The following GNG2 variants were observed in gnomAD, a reference collection of about 807,000 sequenced individuals.
GNG2 encodes guanine nucleotide-binding protein G(I)/G(S)/G(O) subunit gamma-2.
A neutral mutation model predicts 5.5 loss-of-function variants in GNG2; 5 were observed. The ratio of observed to expected loss-of-function variants is 0.91; its 90% CI spans 0.48 to 1.92. The LOEUF is 1.92. GNG2 is among the 30% of genes most tolerant of loss of function. GNG2 has a pLI of 0.01. For missense variants in GNG2, 55 were observed against 88.4 expected (o/e 0.62, Z 1.52); for synonymous variants, 28 against 32.0 (o/e 0.88, Z 0.42).
chr14:51,834,581 G>A (rs530417860), intron 2 of GNG2, among the ~76,000 whole-genome samples: 2 of 152,220 alleles, frequency 1.3e-5, no homozygotes, highest in East Asian at 1.9e-4. Flanking sequence ...CCTGTGTTGC[G>A]TGGATACCAA....
At chr14:51,863,733 C>G (rs956399504) in intron 1 of GNG2, among the ~76,000 whole-genome samples, 2 of 152,200 alleles carry the variant, frequency 1.3e-5, no homozygotes, top group Admixed American at 6.5e-5. Context: ...ACTTCTGTCT[C>G]TATGAATGTG....
chr14:51,947,115 A>G (rs1465185831), intron 2 of GNG2, among the ~76,000 whole-genome samples: 2 of 152,052 alleles, frequency 1.3e-5, no homozygotes, highest in Admixed American at 6.5e-5. Flanking sequence ...CCCCTCCTGC[A>G]TTTCTAGACT....
At chr14:51,948,852 T>A (rs944489665) in intron 2 of GNG2, among the ~76,000 whole-genome samples, 2 of 152,164 alleles carry the variant, frequency 1.3e-5, no homozygotes, top group Non-Finnish European at 2.9e-5. Context: ...CCGGGCGTGG[T>A]GGCTCATGCC....
rs116847039 is a variant in GNG2 at position 51,930,183 on chromosome 14, G to A, written c.-29-20467G>A. ...TTGGCATATTTGGTTAATGCACTGT[G>A]CAAATATAGTCTGAACATGCTAATT... is the stretch of plus-strand genomic sequence containing the variant. On this transcript the variant is annotated intron_variant, in intron 2 of 3. Coordinates refer to ENST00000556766, the MANE Select transcript of GNG2 (RefSeq NM_053064.5). Among the ~76,000 whole-genome samples, 739 of 152,332 alleles carry A rather than the reference G, an allele frequency of 4.9e-3. 2 individuals carry two copies. Among genetic ancestry groups the A allele is most frequent in the Admixed American group, 8.7e-3 (133 of 15,302 alleles).
At chr14:51,837,415 C>T (rs150913237) in intron 2 of GNG2, among the ~76,000 whole-genome samples, 69 of 151,904 alleles carry the variant, frequency 4.5e-4, no homozygotes, top group South Asian at 8.3e-4. Flanking sequence ...GAGGCTGAGG[C>T]GGGTGGATCA....
At chr14:51,895,119 T>C (rs1885111693) in intron 2 of GNG2, among the ~76,000 whole-genome samples, 1 of 151,770 alleles carries the variant, frequency 6.6e-6, no homozygotes, top group South Asian at 2.1e-4. Flanking sequence ...TAGTGAAAAT[T>C]ACAGTATTAC....
chr14:51,962,705 G>A (rs1889684129), intron 3 of GNG2, among the ~76,000 whole-genome samples: 1 of 152,186 alleles, frequency 6.6e-6, no homozygotes, highest in Non-Finnish European at 1.5e-5. Context: ...GGACAGAAAA[G>A]GGAGAGATTT....
At chr14:51,949,402 A>G (rs980049745) in intron 2 of GNG2, among the ~76,000 whole-genome samples, 9 of 152,288 alleles carry the variant, frequency 5.9e-5, no homozygotes, top group Admixed American at 4.6e-4. Context: ...AAAAAAATCT[A>G]TGTACAGAAT....
intron 2 of GNG2, among the ~76,000 whole-genome samples, chr14:51,892,090 A>C (rs1370283860): frequency 1.4e-5 from 2 of 146,700 alleles, no homozygotes; most frequent in Non-Finnish European, 3.1e-5. Context: ...CAGAACAGTC[A>C]TTCAGTTCTC....
chr14:51,894,184 T>C (rs980892142), intron 2 of GNG2, among the ~76,000 whole-genome samples: 4 of 152,136 alleles, frequency 2.6e-5, no homozygotes, highest in African/African-American at 9.7e-5. Flanking sequence ...GGAAAGGACT[T>C]TTTTATATTT....
chr14:51,852,039 T>C (rs1881930508), intron 2 of GNG2, among the ~76,000 whole-genome samples: 1 of 22,498 alleles, frequency 4.4e-5, no homozygotes, highest in African/African-American at 4.9e-5. Flanking sequence ...AATTTAGCAG[T>C]GAGGGTGTAC....
At chr14:51,931,344 G>A (rs2140244996) in intron 2 of GNG2, among the ~76,000 whole-genome samples, 1 of 152,242 alleles carries the variant, frequency 6.6e-6, no homozygotes, top group African/African-American at 2.4e-5. Context: ...ACTGCTATAT[G>A]GGAAAGACTG....
At chr14:51,912,107 C>T (rs1172560885) in intron 2 of GNG2, among the ~76,000 whole-genome samples, 1 of 127,858 alleles carries the variant, frequency 7.8e-6, no homozygotes, top group Non-Finnish European at 1.6e-5. Context: ...CCCAGCATCA[C>T]CTATTGAGTA....
At chr14:51,829,344 C>A (rs9972144) in intron 2 of GNG2, among the ~76,000 whole-genome samples, 3,749 of 152,260 alleles carry the variant, frequency 0.025, 140 homozygotes, top group African/African-American at 0.086. Flanking sequence ...CACCTGCAAG[C>A]TATTGATCAT....
intron 2 of GNG2, among the ~76,000 whole-genome samples, chr14:51,919,419 T>C (rs1419748937): frequency 6.6e-6 from 1 of 152,242 alleles, no homozygotes; most frequent in Non-Finnish European, 1.5e-5. Context: ...CATATAAATT[T>C]TGCACATGCC....
chr14:51,838,312 C>T (rs747331701), intron 2 of GNG2, among the ~76,000 whole-genome samples: 5 of 152,060 alleles, frequency 3.3e-5, no homozygotes, highest in Non-Finnish European at 5.9e-5. Context: ...GGCGTGGTGG[C>T]GTGCACCTGT....
Position 51,920,104 on chromosome 14 carries a change from G to A in GNG2, c.-29-30546G>A, listed in dbSNP as rs895074629. On this transcript the variant is annotated intron_variant, in intron 2 of 3. Coordinates refer to ENST00000556766, the MANE Select transcript of GNG2 (RefSeq NM_053064.5). ...CTTTGTATCTGAGGGTTCTGCATCT[G>A]AGAATTCAACCAATGTTGGATCAAA... Among the ~76,000 whole-genome samples the A allele has an allele frequency of 1.6e-4, 24 of 152,238 alleles. No homozygotes were observed. The East Asian group carries it at 4.3e-3, about 27-fold the overall frequency.
chr14:51,847,881 C>T (rs2748139), intron 2 of GNG2, among the ~76,000 whole-genome samples: 10,189 of 47,496 alleles, frequency 0.21, 2,820 homozygotes, highest in East Asian at 0.62. Flanking sequence ...GGTCCTTTTT[C>T]TTTTTTTTTT....
chr14:51,884,801 A>C lies in GNG2; in HGVS notation c.-30+7144A>C, dbSNP rs531474262. ...GTTTAGGTAATACTGACCACAGGGGAGGAGACTTGACCCATGCTGAGGAAG... is the reference window on the plus strand; with the variant it reads ...GTTTAGGTAATACTGACCACAGGGGCGGAGACTTGACCCATGCTGAGGAAG... On this transcript the variant is annotated intron_variant, in intron 2 of 3. Transcript: ENST00000556766. 5.9e-5 allele frequency among the ~76,000 whole-genome samples: 9 copies of C among 152,110 alleles called. 1 individual carries two copies. The highest frequency in any genetic ancestry group is 1.3e-4 in the Non-Finnish European group (9 of 68,006).
Sources: allele counts gnomAD v4.1 joint callset (sites outside exome capture counted in the v4.1 genomes callset), GRCh38; gene constraint gnomAD v4.1.1; transcripts MANE v1.5; gene names NCBI Gene and HGNC (gene_info 2026-07-23, HGNC 2026-07-21).